The following BNIP2 variants were observed in gnomAD, a reference collection of about 807,000 sequenced individuals.
The protein encoded by BNIP2 is BCL2 interacting protein 2, also known as BCL2/adenovirus E1B 19 kDa protein-interacting protein 2.
In BNIP2, 36 loss-of-function variants were observed where a neutral mutation model predicts 43.4. The ratio of observed to expected loss-of-function variants is 0.83; its 90% CI spans 0.64 to 1.10. The LOEUF (loss-of-function observed/expected upper bound fraction) is 1.10, where lower values mean the gene tolerates loss of function less well. Ranked by LOEUF, BNIP2 falls within the 50% of genes least tolerant of loss-of-function variation. The pLI, the probability that BNIP2 is intolerant of heterozygous loss-of-function variation, is 0.00. For synonymous variants in BNIP2, 146 were observed against 121.0 expected, an observed-to-expected ratio of 1.21 and a Z score of -1.35; for missense variants, 417 against 374.1, an observed-to-expected ratio of 1.11 and a Z score of -0.95.
intron 5 of BNIP2, among the ~76,000 whole-genome samples, chr15:59,677,644 T>C (rs1179884301): frequency 1.3e-5 from 2 of 152,174 alleles, no homozygotes; most frequent in Admixed American, 1.3e-4. Context: ...TTGTTGATGT[T>C]TGTGAAGCAA....
At chr15:59,684,620 G>A (rs1893899944) in intron 1 of BNIP2, among the ~76,000 whole-genome samples, 1 of 152,180 alleles carries the variant, frequency 6.6e-6, no homozygotes, top group Non-Finnish European at 1.5e-5. Context: ...GTCTTTTCTA[G>A]ATGTTTAATT....
chr15:59,681,555 T>C (rs1390753572), intron 2 of BNIP2, among the ~76,000 whole-genome samples: 1 of 151,944 alleles, frequency 6.6e-6, no homozygotes, highest in African/African-American at 2.4e-5. Context: ...TTCAGGTGAT[T>C]CTTGTGCCTC....
chr15:59,673,122 CTTT>C (rs35137131), intron 5 of BNIP2, among the ~76,000 whole-genome samples: 5 of 142,536 alleles, frequency 3.5e-5, no homozygotes, highest in Admixed American at 7.0e-5. Context: ...AAAGTGGGTG[CTTT>C]TTTTTTTTTT....
intron 1 of BNIP2, among the ~76,000 whole-genome samples, chr15:59,686,904 C>A (rs530092147): frequency 3.9e-5 from 6 of 152,188 alleles, no homozygotes; most frequent in Admixed American, 2.6e-4. Flanking sequence ...GTAATCCAAG[C>A]GATCAGGGAG....
chr15:59,681,488 G>C (rs1005832672), intron 2 of BNIP2, among the ~76,000 whole-genome samples: 1 of 145,320 alleles, frequency 6.9e-6, no homozygotes, highest in Non-Finnish European at 1.5e-5. Flanking sequence ...TTGCTCGGTC[G>C]CCCAAGCTGG....
chr15:59,681,897 T>C (rs1328768466), intron 2 of BNIP2, among the ~76,000 whole-genome samples: 1 of 152,136 alleles, frequency 6.6e-6, no homozygotes, highest in Non-Finnish European at 1.5e-5. Context: ...CAAACTTAAG[T>C]GACCAAAACA....
chr15:59,678,172 T>A (rs1163095333), intron 4 of BNIP2, 85 bp from the exon 5 acceptor site: 1 of 1,443,186 alleles, frequency 6.9e-7, no homozygotes, highest in Non-Finnish European at 9.1e-7. Context: ...ACCTAGATTT[T>A]ACAGAGAATT....
Position 59,677,228 on chromosome 15 carries a change from G to A in BNIP2, c.472+683C>T, listed in dbSNP as rs1295845014. ...TATCCCAAGTAGTACCCGTCTTCCA[G>A]AGTGCCAAGCCCCGGCTGGACTGCT... On this transcript the variant is annotated intron_variant, in intron 5 of 9. Transcript: ENST00000607373. The A allele has an allele frequency of 3.8e-6, 6 of 1,596,484 alleles. No individual in the cohort carries two copies. In the East Asian group the frequency reaches 1.3e-4, roughly 36 times the overall value.
At position 59,689,220 on chromosome 15, in the gene BNIP2, C is replaced by T; in HGVS notation, c.-143G>A. The T allele has an allele frequency of 7.1e-6, 11 of 1,540,918 alleles. No individual in the cohort carries two copies. The highest frequency in any genetic ancestry group is 8.7e-6 in the Non-Finnish European group (10 of 1,146,352). ...GACGGCCAGGTCGCAAAAAGCAGGG[C>T]CGAGCGGAGCCCGCTCCCCTCGGTC... On this transcript the variant is annotated 5_prime_UTR_variant, in exon 1 of 10. Transcript: ENST00000607373.
At chr15:59,677,136 A>G (rs1893354059) in intron 5 of BNIP2, 1 of 1,599,070 alleles carries the variant, frequency 6.3e-7, no homozygotes, top group African/African-American at 1.3e-5. Flanking sequence ...CAATGAGGCT[A>G]TTTACATGCA....
intron 4 of BNIP2, chr15:59,679,228 C>T: frequency 5.4e-6 from 1 of 183,824 alleles, no homozygotes; most frequent in Non-Finnish European, 1.1e-5. Flanking sequence ...AGAGCAATGT[C>T]AGGCAAACCT....
intron 5 of BNIP2, among the ~76,000 whole-genome samples, chr15:59,674,511 A>G (rs117303929): frequency 0.017 from 2,575 of 152,274 alleles, 31 homozygotes; most frequent in Non-Finnish European, 0.026. Context: ...AGATTACGCC[A>G]TTTTCTTCAT....
intron 9 of BNIP2, among the ~76,000 whole-genome samples, chr15:59,668,309 A>G (rs1410225731): frequency 1.3e-5 from 2 of 152,214 alleles, no homozygotes; most frequent in Non-Finnish European, 2.9e-5. Flanking sequence ...TCATACATTA[A>G]ATAGACTAAA....
At position 59,679,638 on chromosome 15, in the gene BNIP2, A is replaced by T. The variant is rs1415755867; in HGVS notation, c.249T>A (p.Asp83Glu). 2 of 1,613,180 alleles carry T rather than the reference A, an allele frequency of 1.2e-6. No individual in the cohort carries two copies. The highest frequency in any genetic ancestry group is 4.5e-5 in the East Asian group (2 of 44,824). ...TATTCTCTGACGGTGTGTCTAAGCC[A>T]TCTAAGTCAATCTCCCCACTTTCAT... ...DLDESGEIDL[D>E]GLDTPSENSN... Residue 83 changes from aspartate to glutamate, a missense_variant, in exon 4 of 10, where the codon GAT (aspartate) becomes GAA (glutamate). Physicochemically the swap from Asp to Glu is conservative, Grantham distance 45. Transcript: ENST00000607373.
chr15:59,668,767 C>T (rs1018380602), intron 9 of BNIP2, 125 bp downstream of exon 9: 40 of 792,110 alleles, frequency 5.0e-5, no homozygotes, highest in Non-Finnish European at 7.5e-5. Flanking sequence ...TACACACACA[C>T]ACACACGCGC....
In BNIP2 at chr15:59,679,592, C is replaced by CTGT; in HGVS notation, c.294_295insACA (p.Glu98_Asp99insThr). 3 of 1,610,778 alleles carry CTGT rather than the reference C, an allele frequency of 1.9e-6. No individual in the cohort carries two copies. The highest frequency in any genetic ancestry group is 2.5e-6 in the Non-Finnish European group (3 of 1,178,592). ...AGATTAAAAACAGTGAAACATTTACCTTCCCACTCAAACTCATTACTATTC... is the reference window on the plus strand; with the variant it reads ...AGATTAAAAACAGTGAAACATTTACCTGTTTCCCACTCAAACTCATTACTATTC... On this transcript the variant is annotated inframe_insertion and splice_region_variant, in exon 4 of 10. Transcript: ENST00000607373.
Position 59,678,119 on chromosome 15 carries a change from T to C in BNIP2, c.296-32A>G, listed in dbSNP as rs117715170. 3.0e-3 allele frequency: 4,684 copies of C among 1,577,552 alleles called. 9 individuals are homozygous for C. Among genetic ancestry groups the C allele is most frequent in the Non-Finnish European group, 3.8e-3 (4,428 of 1,164,232 alleles). Reference sequence around the variant, plus strand: ...AAATACAAAGTTTTTGAATCACAAATTGTTACACAACAAAAATCAAATTAT... The same window carrying C: ...AAATACAAAGTTTTTGAATCACAAACTGTTACACAACAAAAATCAAATTAT... On this transcript the variant is annotated intron_variant, in intron 4 of 9. Transcript: ENST00000607373.
At position 59,659,473 on chromosome 15, in the gene BNIP2, TAAC is replaced by T. The variant is rs1299473699; in HGVS notation, c.*4593_*4595del. Reference sequence around the variant, plus strand: ...TAGATATCAAAGTGTGTTAATGTCTTAACAAACTCTGAATTGTGTTCTGTGTGA... The same window carrying T: ...TAGATATCAAAGTGTGTTAATGTCTTAAACTCTGAATTGTGTTCTGTGTGA... On this transcript the variant is annotated 3_prime_UTR_variant, in exon 10 of 10. Transcript: ENST00000607373. 6.6e-5 allele frequency: 10 copies of T among 152,360 alleles called. No individual in the cohort carries two copies. The East Asian group carries it at 9.6e-4, about 15-fold the overall frequency. 9.4% of individuals were successfully genotyped at this position (152,360 alleles called of 1,614,324 possible).
chr15:59,671,671 A>G (rs1450826264), intron 6 of BNIP2, among the ~76,000 whole-genome samples: 1 of 152,186 alleles, frequency 6.6e-6, no homozygotes, highest in Non-Finnish European at 1.5e-5. Context: ...GTTTTTAAAA[A>G]CTGCACTAAC....
Sources: gnomAD v4.1 joint callset for allele counts (sites outside exome capture counted in the v4.1 genomes callset) on GRCh38, gnomAD v4.1.1 for gene constraint, MANE v1.5 for transcripts, NCBI Gene and HGNC (gene_info 2026-07-23, HGNC 2026-07-21) for gene names.